Variants in LRRTM3 observed in about 807,000 individuals in gnomAD.
LRRTM3 encodes leucine-rich repeat transmembrane neuronal protein 3.
LRRTM3 carries 24 observed loss-of-function variants against 44.7 expected under a neutral mutation model. The ratio of observed to expected loss-of-function variants is 0.54; its 90% confidence interval spans 0.39 to 0.76. LRRTM3 has a LOEUF of 0.76. LRRTM3 is among the 30% of genes least tolerant of loss of function. The pLI, the probability that LRRTM3 is intolerant of heterozygous loss-of-function variation, is 0.00. For missense variants in LRRTM3, 587 were observed against 702.2 expected (o/e 0.84, Z 1.85); for synonymous variants, 277 against 278.7 (o/e 0.99, Z 0.06).
chr10:66,977,569 G>A (rs1439368449), intron 2 of LRRTM3, among the ~76,000 whole-genome samples: 1 of 152,160 alleles, frequency 6.6e-6, no homozygotes, highest in Admixed American at 6.5e-5. Context: ...TCACTGTCAC[G>A]TGTAAAATAG....
intron 2 of LRRTM3, among the ~76,000 whole-genome samples, chr10:67,017,723 ATCTGTG>A (rs1164535123): frequency 7.9e-5 from 11 of 138,672 alleles, no homozygotes; most frequent in Admixed American, 7.0e-4. Flanking sequence ...CACAAAAATC[ATCTGTG>A]TGTGTGTGTG....
chr10:67,074,058 A>G (rs1441530138), intron 2 of LRRTM3, among the ~76,000 whole-genome samples: 2 of 91,526 alleles, frequency 2.2e-5, no homozygotes, highest in Non-Finnish European at 4.3e-5. Flanking sequence ...TTTTTTTGAG[A>G]CAGAGTCTGG....
At chr10:66,987,661 A>G (rs1850809651) in intron 2 of LRRTM3, among the ~76,000 whole-genome samples, 1 of 152,204 alleles carries the variant, frequency 6.6e-6, no homozygotes, top group Non-Finnish European at 1.5e-5. Context: ...ACTTTGGAAC[A>G]CCATTTTTCC....
In LRRTM3 at chr10:66,927,226, G is replaced by A. The variant is rs1281297179; in HGVS notation, c.310G>A (p.Ala104Thr). 1.2e-6 allele frequency: 2 copies of A among 1,614,114 alleles called. No homozygotes were observed. Among genetic ancestry groups the A allele is most frequent in the Non-Finnish European group, 8.5e-7 (1 of 1,180,044 alleles). ...CCATATCAGCAATATTGACGAAAAT[G>A]CTTTTAATGGAATACGCAGACTCAA... ...HNHISNIDEN[A>T]FNGIRRLKEL... The change falls in exon 2 of 3, where the codon GCT (alanine) becomes ACT (threonine). Residue 104 changes from alanine (A) to threonine (T), a missense_variant. This residue lies in a region of LRRTM3 where 222 missense variants were observed against 323.3 expected (regional missense o/e 0.69). Coordinates refer to ENST00000361320, the MANE Select transcript of LRRTM3 (RefSeq NM_178011.5). The surrounding 1 kb of genome is among the most constrained non-coding windows in gnomAD (Gnocchi z 4.7).
Position 66,932,796 on chromosome 10 carries a change from T to C in LRRTM3, c.1536+4344T>C, listed in dbSNP as rs79554258. On this transcript the variant is annotated intron_variant, in intron 2 of 2. Transcript: ENST00000361320. Reference sequence around the variant, plus strand: ...AATTCTTTTAGCCTCCAAAAGTTGGTGATGATTTTGGATACTTAATACTAC... The same window carrying C: ...AATTCTTTTAGCCTCCAAAAGTTGGCGATGATTTTGGATACTTAATACTAC... Among the ~76,000 whole-genome samples the C allele has an allele frequency of 6.2e-3, 940 of 152,262 alleles. 10 individuals carry two copies. Among genetic ancestry groups the C allele is most frequent in the African/African-American group, 0.021 (890 of 41,544 alleles).
Position 67,017,750 on chromosome 10 carries a change from TGTGC to T in LRRTM3, c.1537-79835_1537-79832del, listed in dbSNP as rs753061292. The stretch of plus-strand genomic sequence containing the variant: ...CTGTGTGTGTGTGTGTGTGTGTGTG[TGTGC>T]GCGCGTACAATTTTATGTGTACAAT... On this transcript the variant is annotated intron_variant, in intron 2 of 2. Coordinates refer to ENST00000361320, the MANE Select transcript of LRRTM3 (RefSeq NM_178011.5). 2.6e-3 allele frequency among the ~76,000 whole-genome samples: 382 copies of T among 147,114 alleles called. 2 individuals carry two copies. Among genetic ancestry groups the T allele is most frequent in the Non-Finnish European group, 4.3e-3 (284 of 66,062 alleles).
At chr10:67,006,951 G>A (rs1054056067) in intron 2 of LRRTM3, among the ~76,000 whole-genome samples, 15 of 151,926 alleles carry the variant, frequency 9.9e-5, no homozygotes, top group Non-Finnish European at 1.3e-4. Context: ...GTGCCACCAC[G>A]TCCAGCTAAT....
At chr10:66,978,794 C>T (rs1354872456) in intron 2 of LRRTM3, among the ~76,000 whole-genome samples, 2 of 150,522 alleles carry the variant, frequency 1.3e-5, no homozygotes, top group African/African-American at 4.9e-5. Context: ...GAAAGCAAGG[C>T]CTGACATATG....
chr10:66,974,805 T>G (rs571075349), intron 2 of LRRTM3, among the ~76,000 whole-genome samples: 11 of 144,076 alleles, frequency 7.6e-5, no homozygotes, highest in South Asian at 6.4e-4. Flanking sequence ...CAACCATTTG[T>G]TTTTTTTTTT....
At chr10:66,937,355 T>G (rs1052416617) in intron 2 of LRRTM3, among the ~76,000 whole-genome samples, 6 of 152,170 alleles carry the variant, frequency 3.9e-5, no homozygotes, top group African/African-American at 1.4e-4. Flanking sequence ...TCATATATAA[T>G]CTAATACTCA....
chr10:67,072,931 T>C (rs889972054), intron 2 of LRRTM3, among the ~76,000 whole-genome samples: 2 of 121,216 alleles, frequency 1.6e-5, no homozygotes, highest in South Asian at 5.4e-4. Context: ...CAAACATCCC[T>C]TGGAGAAAGA....
At chr10:66,951,564 A>G (rs766646307) in intron 2 of LRRTM3, among the ~76,000 whole-genome samples, 8 of 152,184 alleles carry the variant, frequency 5.3e-5, no homozygotes, top group Non-Finnish European at 1.0e-4. Flanking sequence ...ATTTTAAGTA[A>G]TATATTGAAG....
chr10:66,980,784 G>C (rs116803809), intron 2 of LRRTM3, among the ~76,000 whole-genome samples: 56 of 152,310 alleles, frequency 3.7e-4, no homozygotes, highest in African/African-American at 1.3e-3. Flanking sequence ...TCATGTACAA[G>C]AGTGTTCAAG....
At chr10:67,065,676 G>A in intron 2 of LRRTM3, among the ~76,000 whole-genome samples, 1 of 151,972 alleles carries the variant, frequency 6.6e-6, no homozygotes, top group East Asian at 1.9e-4. Flanking sequence ...CTTTCCCCAA[G>A]CATGAGCCAC....
chr10:66,975,865 A>C (rs930992716), intron 2 of LRRTM3, among the ~76,000 whole-genome samples: 4 of 152,202 alleles, frequency 2.6e-5, no homozygotes, highest in African/African-American at 9.6e-5. Flanking sequence ...CTGACCAAAA[A>C]TCTTGGTCTT....
intron 2 of LRRTM3, among the ~76,000 whole-genome samples, chr10:67,051,629 C>A (rs1855105374): frequency 1.3e-5 from 2 of 151,956 alleles, no homozygotes; most frequent in Non-Finnish European, 2.9e-5. Flanking sequence ...TGGTCTTGAT[C>A]TTTTGACCTC....
intron 2 of LRRTM3, among the ~76,000 whole-genome samples, chr10:66,936,246 G>C (rs1017281730): frequency 2.6e-5 from 4 of 152,110 alleles, no homozygotes; most frequent in South Asian, 2.1e-4. Flanking sequence ...CATTAAGCTA[G>C]ATATAGACGA....
At chr10:66,948,977 TA>T (rs1329257279) in intron 2 of LRRTM3, among the ~76,000 whole-genome samples, 3 of 152,200 alleles carry the variant, frequency 2.0e-5, no homozygotes, top group African/African-American at 7.2e-5. Flanking sequence ...ATAATTGTGT[TA>T]TTTTTTTCTT....
intron 2 of LRRTM3, among the ~76,000 whole-genome samples, chr10:67,022,450 A>G (rs1017268402): frequency 6.6e-6 from 1 of 152,168 alleles, no homozygotes; most frequent in African/African-American, 2.4e-5. Flanking sequence ...CTACTCCAAG[A>G]TGACCCTAGA....
Sources: gnomAD v4.1 joint callset for allele counts (sites outside exome capture counted in the v4.1 genomes callset) on GRCh38, gnomAD v4.1.1 for gene constraint, gnomAD v4.1.1 regional missense constraint, Gnocchi (gnomAD v3.1) non-coding constraint, MANE v1.5 for transcripts, NCBI Gene and HGNC (gene_info 2026-07-23, HGNC 2026-07-21) for gene names.